ADAMTS18: variants seen among roughly 807,000 people sequenced by gnomAD.
ADAMTS18 encodes the protein ADAM metallopeptidase with thrombospondin type 1 motif 18.
Under a neutral mutation model 165.9 loss-of-function variants are expected in ADAMTS18, and 157 were observed. That is an observed-to-expected ratio of 0.95 (90% CI 0.83 to 1.08). The LOEUF is 1.08. ADAMTS18 is among the 50% of genes least tolerant of loss of function. The pLI is 0.00. For missense variants in ADAMTS18, 2,040 were observed against 1,534.0 expected, an observed-to-expected ratio of 1.33 and a Z score of -5.51; for synonymous variants, 782 against 578.2, an observed-to-expected ratio of 1.35 and a Z score of -5.06.
At chr16:77,300,935 A>G (rs1324360125) in intron 16 of ADAMTS18, among the ~76,000 whole-genome samples, 1 of 152,216 alleles carries the variant, frequency 6.6e-6, no homozygotes, top group Non-Finnish European at 1.5e-5. Flanking sequence ...GAATACCCCC[A>G]CTTAGAGTTG....
intron 3 of ADAMTS18, among the ~76,000 whole-genome samples, chr16:77,429,407 G>A (rs757908997): frequency 5.9e-5 from 9 of 152,104 alleles, no homozygotes; most frequent in Non-Finnish European, 1.2e-4. Flanking sequence ...CACAAAGAAG[G>A]GAACAATAGA....
In ADAMTS18 at chr16:77,415,854, T is replaced by A. The variant is rs142393960; in HGVS notation, c.495+15441A>T. Among the ~76,000 whole-genome samples, 273 of 152,094 alleles carry A rather than the reference T, an allele frequency of 1.8e-3. 2 individuals carry two copies. The highest frequency in any genetic ancestry group is 6.3e-3 in the African/African-American group (260 of 41,496). On this transcript the variant is annotated intron_variant, in intron 3 of 22. Coordinates refer to ENST00000282849, the MANE Select transcript of ADAMTS18 (RefSeq NM_199355.4). ...TCCAATGTATGAAGCACTTCAAACATAGAAATAATTTATCTATTTCTAAAT... is the reference window on the plus strand; with the variant it reads ...TCCAATGTATGAAGCACTTCAAACAAAGAAATAATTTATCTATTTCTAAAT...
At chr16:77,395,318 C>G (rs928157312) in intron 3 of ADAMTS18, among the ~76,000 whole-genome samples, 7 of 152,194 alleles carry the variant, frequency 4.6e-5, no homozygotes, top group African/African-American at 1.7e-4. Context: ...CTGAAAACCT[C>G]TGCAGCCTGT....
In ADAMTS18 at chr16:77,430,173, C is replaced by A. The variant is rs540534850; in HGVS notation, c.495+1122G>T. On this transcript the variant is annotated intron_variant, in intron 3 of 22. Coordinates refer to ENST00000282849, the MANE Select transcript of ADAMTS18 (RefSeq NM_199355.4). Reference sequence around the variant, plus strand: ...CAAAACAAACAAACAAACAAACAAACAAAAAAACAAGATATAGTCATGTGT... The same window carrying A: ...CAAAACAAACAAACAAACAAACAAAAAAAAAAACAAGATATAGTCATGTGT... 1.1e-4 allele frequency among the ~76,000 whole-genome samples: 17 copies of A among 151,710 alleles called. 1 individual carries two copies. In the South Asian group the frequency reaches 2.5e-3, roughly 22 times the overall value.
rs1302874543 is a variant in ADAMTS18 at position 77,295,141 on chromosome 16, AC to A, written c.2802-15del. 6.8e-6 allele frequency: 11 copies of A among 1,613,942 alleles called. No individual in the cohort carries two copies. In the African/African-American group the frequency reaches 1.5e-4, roughly 22 times the overall value. Reference sequence around the variant, plus strand: ...CCTGGCATCCAGCTTTCAGTGCAAAACAAACATTACCAATGAAGCCAAACTT... The same window carrying A: ...CCTGGCATCCAGCTTTCAGTGCAAAAAAACATTACCAATGAAGCCAAACTT... On this transcript the variant is annotated splice_polypyrimidine_tract_variant and intron_variant, in intron 18 of 22. Coordinates refer to ENST00000282849, the MANE Select transcript of ADAMTS18 (RefSeq NM_199355.4).
intron 4 of ADAMTS18, among the ~76,000 whole-genome samples, chr16:77,365,451 G>A (rs375911784): frequency 9.9e-5 from 15 of 152,164 alleles, no homozygotes; most frequent in African/African-American, 3.6e-4. Flanking sequence ...TAGCACATAA[G>A]AAGCACTCAG....
chr16:77,303,733 G>A (rs2055629800), intron 16 of ADAMTS18, among the ~76,000 whole-genome samples: 1 of 152,132 alleles, frequency 6.6e-6, no homozygotes, highest in African/African-American at 2.4e-5. Context: ...AGTTATTTGG[G>A]TTAAAAATCA....
chr16:77,321,122 G>C lies in ADAMTS18; in HGVS notation c.2244C>G (p.Cys748Trp). The C allele has an allele frequency of 1.2e-6, 2 of 1,614,156 alleles. No individual in the cohort carries two copies. The highest frequency in any genetic ancestry group is 1.7e-6 in the Non-Finnish European group (2 of 1,180,010). The change falls in exon 15 of 23, where the codon TGC (cysteine) becomes TGG (tryptophan). Residue 748 changes from cysteine (C) to tryptophan (W), a missense_variant. Coordinates refer to ENST00000282849, the MANE Select transcript of ADAMTS18 (RefSeq NM_199355.4). ...CGVCKGDNST[C>W]KFYKGLYLNQ... ...TGAGGTACAGGCCTTTATAAAACTT[G>C]CAAGTTGAATTATCACCTTTGCAAA...
chr16:77,367,809 T>C lies in ADAMTS18; in HGVS notation c.496-86A>G, dbSNP rs912025187. The C allele has an allele frequency of 2.2e-5, 33 of 1,504,096 alleles. No individual in the cohort carries two copies. The African/African-American group carries it at 3.2e-4, about 14-fold the overall frequency. The allele number at this position is 1,504,096 out of a possible 1,614,324, so 93.2% of individuals were successfully genotyped here. On this transcript the variant is annotated intron_variant, in intron 3 of 22. Transcript: ENST00000282849. The stretch of plus-strand genomic sequence containing the variant: ...GTTTTCAACAACTGCTTCTGACTAA[T>C]TCCTGTATGTGGGCACAGGAGCTAA...
intron 3 of ADAMTS18, among the ~76,000 whole-genome samples, chr16:77,397,949 T>G (rs2057279741): frequency 6.6e-6 from 1 of 152,154 alleles, no homozygotes; most frequent in Non-Finnish European, 1.5e-5. Flanking sequence ...GTATCCTCCC[T>G]GACCTTAGGA....
intron 16 of ADAMTS18, among the ~76,000 whole-genome samples, chr16:77,314,649 G>GTGTGTATATATA (rs10527824): frequency 2.6e-4 from 33 of 126,500 alleles, no homozygotes; most frequent in African/African-American, 8.4e-4. Flanking sequence ...GTGTGTGTGT[G>GTGTGTATATATA]TATATATATA....
chr16:77,344,787 G>A (rs187163086), intron 10 of ADAMTS18, among the ~76,000 whole-genome samples: 54 of 152,102 alleles, frequency 3.6e-4, no homozygotes, highest in African/African-American at 2.4e-5. Flanking sequence ...AAGACAGGCT[G>A]CATGAACATG....
chr16:77,313,630 G>T (rs2055826663), intron 16 of ADAMTS18, among the ~76,000 whole-genome samples: 2 of 152,134 alleles, frequency 1.3e-5, no homozygotes, highest in Admixed American at 1.3e-4. Context: ...CTCATCAGGA[G>T]TGATTTGCAC....
chr16:77,378,613 G>T (rs919592642), intron 3 of ADAMTS18, among the ~76,000 whole-genome samples: 1 of 152,130 alleles, frequency 6.6e-6, no homozygotes, highest in South Asian at 2.1e-4. Context: ...TACTTGGGAG[G>T]TTGAGGCACA....
intron 3 of ADAMTS18, among the ~76,000 whole-genome samples, chr16:77,411,258 A>G (rs1388322628): frequency 2.6e-5 from 4 of 152,032 alleles, no homozygotes; most frequent in African/African-American, 4.8e-5. Context: ...TGACATATAT[A>G]TATCTCCCGG....
intron 3 of ADAMTS18, among the ~76,000 whole-genome samples, chr16:77,381,482 A>G (rs1426096002): frequency 1.3e-5 from 2 of 152,094 alleles, no homozygotes; most frequent in Non-Finnish European, 2.9e-5. Context: ...CATTCTCAGA[A>G]GTGAGTGCTG....
At chr16:77,409,597 G>T (rs1369274104) in intron 3 of ADAMTS18, among the ~76,000 whole-genome samples, 1 of 152,110 alleles carries the variant, frequency 6.6e-6, no homozygotes, top group Non-Finnish European at 1.5e-5. Flanking sequence ...TCTGTTCGGG[G>T]CTTGATGACC....
chr16:77,382,710 C>T (rs2057049389), intron 3 of ADAMTS18, among the ~76,000 whole-genome samples: 1 of 152,198 alleles, frequency 6.6e-6, no homozygotes. Context: ...CACATGACTG[C>T]CACAAAGGCT....
chr16:77,284,895 A>G (rs1012192916), intron 22 of ADAMTS18, among the ~76,000 whole-genome samples: 1 of 152,122 alleles, frequency 6.6e-6, no homozygotes, highest in African/African-American at 2.4e-5. Context: ...TTGGGAGTCA[A>G]GCCACCTTAT....
Sources: allele counts gnomAD v4.1 joint callset (sites outside exome capture counted in the v4.1 genomes callset), GRCh38; gene constraint gnomAD v4.1.1; transcripts MANE v1.5; gene names NCBI Gene and HGNC (gene_info 2026-07-23, HGNC 2026-07-21).